FAM107A: variants seen among roughly 807,000 people sequenced by gnomAD.
FAM107A encodes actin-associated protein FAM107A.
FAM107A carries 19 observed loss-of-function variants against 13.7 expected under a neutral mutation model. That is an observed-to-expected ratio of 1.38 (90% CI 0.97 to 2.03). FAM107A has a LOEUF of 2.03. Ranked by LOEUF, FAM107A falls within the 30% of genes most tolerant of loss-of-function variation. FAM107A has a pLI of 0.00. For missense variants in FAM107A, 203 were observed against 184.4 expected (o/e 1.10, Z -0.58); for synonymous variants, 82 against 74.5 (o/e 1.10, Z -0.52).
chr3:58,618,532 G>C (rs990827753), intron 1 of FAM107A, among the ~76,000 whole-genome samples: 1 of 152,264 alleles, frequency 6.6e-6, no homozygotes, highest in African/African-American at 2.4e-5. Context: ...CCCTCATTCA[G>C]GGCCTCTGAG....
chr3:58,573,253 G>A (rs141805613), intron 1 of FAM107A, among the ~76,000 whole-genome samples: 195 of 152,316 alleles, frequency 1.3e-3, no homozygotes, highest in African/African-American at 4.5e-3. Flanking sequence ...CCTATGAGGG[G>A]TGGGGTGAGG....
intron 1 of FAM107A, among the ~76,000 whole-genome samples, chr3:58,596,172 C>T (rs988220524): frequency 6.6e-6 from 1 of 152,108 alleles, no homozygotes; most frequent in African/African-American, 2.4e-5. Context: ...TTGAGAAAAA[C>T]CTCTTGGCAT....
At chr3:58,581,767 A>G (rs1380837953), upstream of FAM107A, among the ~76,000 whole-genome samples, 3 of 152,188 alleles carry the variant, frequency 2.0e-5, no homozygotes, top group African/African-American at 7.2e-5. Flanking sequence ...CAGTTGAGGG[A>G]TTTCAAGCGT....
chr3:58,601,239 AC>A, intron 1 of FAM107A, among the ~76,000 whole-genome samples: 1 of 152,090 alleles, frequency 6.6e-6, no homozygotes, highest in Non-Finnish European at 1.5e-5. Flanking sequence ...GTAAAGTGCA[AC>A]CCCCCAAATC....
chr3:58,570,583 C>CAGAGAGAG lies in FAM107A; in HGVS notation c.-5-726_-5-719dup, dbSNP rs371909507. ...TTGAAATGCCCAAAAGCAAATACAG[C>CAGAGAGAG]AGAGAGAGAGAGAGAGAGAGAGAGA... On this transcript the variant is annotated intron_variant, in intron 1 of 3. Coordinates refer to ENST00000360997, the MANE Select transcript of FAM107A (RefSeq NM_001076778.3). Among the ~76,000 whole-genome samples the CAGAGAGAG allele has an allele frequency of 8.9e-3, 810 of 90,882 alleles. 7 individuals carry two copies. Among genetic ancestry groups the CAGAGAGAG allele is most frequent in the Non-Finnish European group, 0.013 (575 of 43,356 alleles). 59.6% of individuals were successfully genotyped at this position (90,882 alleles called of 152,430 possible). A position where few individuals can be genotyped will look rare whatever the true frequency, so the allele number is the denominator to read the frequency against.
At chr3:58,615,098 G>A (rs940763031) in intron 1 of FAM107A, among the ~76,000 whole-genome samples, 5 of 152,222 alleles carry the variant, frequency 3.3e-5, no homozygotes, top group African/African-American at 7.2e-5. Flanking sequence ...GAGCCACCAC[G>A]TCTGGCCCAA....
At chr3:58,616,039 G>A (rs1437272924) in intron 1 of FAM107A, among the ~76,000 whole-genome samples, 1 of 152,110 alleles carries the variant, frequency 6.6e-6, no homozygotes, top group Non-Finnish European at 1.5e-5. Context: ...AGATTGGGCT[G>A]TCAGAGATAC....
At chr3:58,596,082 A>G (rs78885081) in intron 1 of FAM107A, among the ~76,000 whole-genome samples, 5,611 of 152,252 alleles carry the variant, frequency 0.037, 218 homozygotes, top group East Asian at 0.16. Flanking sequence ...GCACAACTCA[A>G]TCTTCCCTGA....
chr3:58,571,489 T>C (rs1200286345), intron 1 of FAM107A, among the ~76,000 whole-genome samples: 1 of 152,168 alleles, frequency 6.6e-6, no homozygotes, highest in Admixed American at 6.5e-5. Flanking sequence ...TGCTTTCAGG[T>C]TATATCCTTC....
chr3:58,598,302 G>C (rs1393025539), intron 1 of FAM107A, among the ~76,000 whole-genome samples: 3 of 152,168 alleles, frequency 2.0e-5, no homozygotes, highest in Admixed American at 6.5e-5. Context: ...CCTTTGCAGG[G>C]GTCCACTTAC....
intron 1 of FAM107A, among the ~76,000 whole-genome samples, chr3:58,583,158 G>A (rs17059424): frequency 0.035 from 5,345 of 152,258 alleles, 329 homozygotes; most frequent in African/African-American, 0.12. Context: ...AGTCAGAACA[G>A]TCTCAACAGT....
upstream of FAM107A, among the ~76,000 whole-genome samples, chr3:58,591,357 C>A (rs1048010839): frequency 2.0e-5 from 3 of 152,106 alleles, no homozygotes; most frequent in African/African-American, 7.2e-5. This position sits in a 1 kb window ranked among gnomAD's most constrained non-coding sequence, Gnocchi z 4.3. Flanking sequence ...TGTCCTGGGG[C>A]AGGGTCAGCG....
chr3:58,581,642 G>T (rs1368794256), upstream of FAM107A, among the ~76,000 whole-genome samples: 1 of 152,208 alleles, frequency 6.6e-6, no homozygotes, highest in African/African-American at 2.4e-5. Context: ...AGGACTCGGG[G>T]GTTGGGGGAG....
upstream of FAM107A, among the ~76,000 whole-genome samples, chr3:58,582,008 G>C (rs576675591): frequency 6.6e-6 from 1 of 151,996 alleles, no homozygotes; most frequent in Non-Finnish European, 1.5e-5. Context: ...GTGTGTGTGC[G>C]TGTGTGTGTC....
At chr3:58,567,823 T>C (rs1368400874) in intron 2 of FAM107A, among the ~76,000 whole-genome samples, 1 of 152,232 alleles carries the variant, frequency 6.6e-6, no homozygotes, top group Non-Finnish European at 1.5e-5. Context: ...TATTTGAGAA[T>C]CTGGTAGGCC....
At chr3:58,595,289 G>A (rs1575449616) in intron 1 of FAM107A, among the ~76,000 whole-genome samples, 1 of 152,000 alleles carries the variant, frequency 6.6e-6, no homozygotes, top group Non-Finnish European at 1.5e-5. Context: ...CTGATCCCAA[G>A]CTAACCCATC....
upstream of FAM107A, chr3:58,587,125 G>A (rs75210209): frequency 5.6e-3 from 7,713 of 1,371,022 alleles, 350 homozygotes; most frequent in African/African-American, 0.1. Context: ...GAGGGGGGCA[G>A]GGGCCAGGGC....
chr3:58,587,205 T>G, upstream of FAM107A: 2 of 936,136 alleles, frequency 2.1e-6, no homozygotes, highest in Non-Finnish European at 2.9e-6. Context: ...AGCCCCGAGG[T>G]TCCAGGGCCA....
At chr3:58,585,977 A>T (rs1317778684) in intron 1 of FAM107A, among the ~76,000 whole-genome samples, 1 of 152,236 alleles carries the variant, frequency 6.6e-6, no homozygotes, top group Non-Finnish European at 1.5e-5. Flanking sequence ...AAAAGCACCT[A>T]TCATCCAACC....
Sources: allele counts gnomAD v4.1 joint callset (sites outside exome capture counted in the v4.1 genomes callset), GRCh38; gene constraint gnomAD v4.1.1; non-coding constraint Gnocchi (gnomAD v3.1); transcripts MANE v1.5; gene names NCBI Gene and HGNC (gene_info 2026-07-23, HGNC 2026-07-21).